The following COX6C variants were observed in gnomAD, a reference collection of about 807,000 sequenced individuals.
COX6C encodes the protein cytochrome c oxidase polypeptide VIc.
Under a neutral mutation model 6.9 loss-of-function variants are expected in COX6C, and 3 were observed. The observed-to-expected ratio is 0.43, with a 90% CI of 0.20 to 1.12. COX6C has a LOEUF of 1.12. Among genes scored for constraint, COX6C ranks in the 50% most tolerant of loss-of-function variants. The pLI, the probability that COX6C is intolerant of heterozygous loss-of-function variation, is 0.27. For missense variants in COX6C, 101 were observed against 97.3 expected, an observed-to-expected ratio of 1.04 and a Z score of -0.16; for synonymous variants, 32 against 32.0, an observed-to-expected ratio of 1.00 and a Z score of 0.00.
chr8:99,888,485 T>C lies in COX6C; in HGVS notation c.115-867A>G, dbSNP rs551029117. Among the ~76,000 whole-genome samples the C allele has an allele frequency of 8.5e-5, 13 of 152,116 alleles. No homozygotes were observed. The South Asian group carries it at 2.7e-3, about 32-fold the overall frequency. Reference sequence around the variant, plus strand: ...ACTTGGGAGGCTGAGGCAGGAGAATTGCTTGAACCTGGGAGGCCTCGGAGG... The same window carrying C: ...ACTTGGGAGGCTGAGGCAGGAGAATCGCTTGAACCTGGGAGGCCTCGGAGG... On this transcript the variant is annotated intron_variant, in intron 2 of 3. Transcript: ENST00000520468.
chr8:99,883,464 TA>T (rs1817897369), intron 3 of COX6C, among the ~76,000 whole-genome samples: 5 of 146,510 alleles, frequency 3.4e-5, no homozygotes, highest in Admixed American at 6.7e-5. Context: ...TATATATATA[TA>T]TATATATTTT....
chr8:99,885,681 T>C (rs1270310814), intron 3 of COX6C, among the ~76,000 whole-genome samples: 2 of 152,132 alleles, frequency 1.3e-5, no homozygotes, highest in Non-Finnish European at 2.9e-5. Flanking sequence ...GCTAAAACTA[T>C]AAAAGTCTTA....
At chr8:99,891,870 C>T (rs139479312) in intron 2 of COX6C, 38 bp downstream of exon 2, 38,378 of 1,585,592 alleles carry the variant, frequency 0.024, 511 homozygotes, top group Non-Finnish European at 0.029. Context: ...AAAACACATA[C>T]TTTATGACCT....
chr8:99,891,120 G>A (rs1818026274), intron 2 of COX6C, among the ~76,000 whole-genome samples: 2 of 152,212 alleles, frequency 1.3e-5, no homozygotes, highest in Non-Finnish European at 2.9e-5. Context: ...AATTGTGTTT[G>A]ACCAAAACTC....
intron 3 of COX6C, among the ~76,000 whole-genome samples, chr8:99,879,757 A>C (rs1351517538): frequency 6.6e-6 from 1 of 152,202 alleles, no homozygotes; most frequent in African/African-American, 2.4e-5. Flanking sequence ...AAACTGACCT[A>C]CAATGTTCTG....
chr8:99,891,314 G>A (rs1052568272), intron 2 of COX6C, among the ~76,000 whole-genome samples: 2 of 152,188 alleles, frequency 1.3e-5, no homozygotes, highest in Non-Finnish European at 2.9e-5. Flanking sequence ...ACTTTAGCAG[G>A]CCAAGGCAGG....
intron 2 of COX6C, among the ~76,000 whole-genome samples, chr8:99,891,387 A>G (rs1563529566): frequency 6.6e-6 from 1 of 152,234 alleles, no homozygotes; most frequent in East Asian, 1.9e-4. Flanking sequence ...CTGAAACCTC[A>G]TCTCTACAAA....
intron 2 of COX6C, among the ~76,000 whole-genome samples, chr8:99,889,542 C>T (rs1394208384): frequency 2.0e-5 from 3 of 151,868 alleles, no homozygotes; most frequent in South Asian, 4.2e-4. Flanking sequence ...CCCGACACCA[C>T]GCCCGGCTAA....
At chr8:99,891,082 T>C (rs1011593508) in intron 2 of COX6C, among the ~76,000 whole-genome samples, 5 of 152,236 alleles carry the variant, frequency 3.3e-5, no homozygotes, top group African/African-American at 1.2e-4. Context: ...TCCCAGCCCC[T>C]CTGCATACTA....
chr8:99,882,871 C>T (rs1263187124), intron 3 of COX6C, among the ~76,000 whole-genome samples: 1 of 152,120 alleles, frequency 6.6e-6, no homozygotes, highest in Non-Finnish European at 1.5e-5. Flanking sequence ...AATCACTGCT[C>T]ACTGCAGCCT....
intron 1 of COX6C, chr8:99,892,946 C>T (rs1252960522): frequency 6.6e-6 from 1 of 152,210 alleles, no homozygotes; most frequent in Non-Finnish European, 1.5e-5. Flanking sequence ...CCATTAAAAC[C>T]TGGACGGGAA....
At chr8:99,890,951 AT>A (rs1818024094) in intron 2 of COX6C, among the ~76,000 whole-genome samples, 2 of 152,270 alleles carry the variant, frequency 1.3e-5, no homozygotes, top group Admixed American at 6.5e-5. Context: ...AAAATACAAT[AT>A]AAACTATTGA....
At chr8:99,882,628 GATCAA>G (rs1243284647) in intron 3 of COX6C, among the ~76,000 whole-genome samples, 3 of 152,056 alleles carry the variant, frequency 2.0e-5, no homozygotes, top group African/African-American at 7.2e-5. Flanking sequence ...TCTTTGAAAA[GATCAA>G]ATCAACAAAC....
chr8:99,879,516 A>T (rs1390276926), intron 3 of COX6C, among the ~76,000 whole-genome samples: 3 of 152,218 alleles, frequency 2.0e-5, no homozygotes, highest in Non-Finnish European at 4.4e-5. Flanking sequence ...ACCCCCACAA[A>T]AAATAATGAA....
intron 3 of COX6C, among the ~76,000 whole-genome samples, chr8:99,883,427 A>ATG (rs1817894573): frequency 3.6e-5 from 5 of 139,546 alleles, no homozygotes; most frequent in African/African-American, 1.5e-4. Flanking sequence ...GTGTGTGTAT[A>ATG]TATGTATGTG....
chr8:99,886,857 G>A (rs1308339694), intron 3 of COX6C, among the ~76,000 whole-genome samples: 1 of 152,180 alleles, frequency 6.6e-6, no homozygotes, highest in Non-Finnish European at 1.5e-5. Flanking sequence ...GTGTGAATGG[G>A]TTGCTTAATG....
At chr8:99,890,960 T>C (rs1818024164) in intron 2 of COX6C, among the ~76,000 whole-genome samples, 1 of 152,242 alleles carries the variant, frequency 6.6e-6, no homozygotes, top group African/African-American at 2.4e-5. Context: ...TATAAACTAT[T>C]GACATAGCAT....
chr8:99,889,853 G>A (rs1419446842), intron 2 of COX6C, among the ~76,000 whole-genome samples: 1 of 151,758 alleles, frequency 6.6e-6, no homozygotes, highest in Non-Finnish European at 1.5e-5. Context: ...CACTTTGGGA[G>A]GCCGAGGCGG....
In COX6C at chr8:99,893,626, G is replaced by A. The variant is rs1414925277; in HGVS notation, c.-32+13C>T. Reference sequence around the variant, plus strand: ...CAGTGTCGGGGTAGGGATGCAAAAGGGACCGGACTCACCTCAACACCAACG... The same window carrying A: ...CAGTGTCGGGGTAGGGATGCAAAAGAGACCGGACTCACCTCAACACCAACG... On this transcript the variant is annotated intron_variant, in intron 1 of 3. Coordinates refer to ENST00000520468, the MANE Select transcript of COX6C (RefSeq NM_004374.4). The A allele has an allele frequency of 1.3e-5, 2 of 152,348 alleles. No homozygotes were observed. The highest frequency in any genetic ancestry group is 2.4e-5 in the African/African-American group (1 of 41,468). The allele number at this position is 152,348 out of a possible 1,614,324, so 9.4% of individuals were successfully genotyped here. A position where few individuals can be genotyped will look rare whatever the true frequency, so the allele number is the denominator to read the frequency against.
Sources: gnomAD v4.1 joint callset for allele counts (sites outside exome capture counted in the v4.1 genomes callset) on GRCh38, gnomAD v4.1.1 for gene constraint, MANE v1.5 for transcripts, NCBI Gene and HGNC (gene_info 2026-07-23, HGNC 2026-07-21) for gene names.